KCNIP4: variants seen among roughly 807,000 people sequenced by gnomAD.
KCNIP4 encodes the protein Kv channel-interacting protein 4.
KCNIP4 carries 12 observed loss-of-function variants against 34.0 expected under a neutral mutation model. The ratio of observed to expected loss-of-function variants is 0.35; its 90% CI spans 0.23 to 0.57. The LOEUF (loss-of-function observed/expected upper bound fraction) is 0.57, where lower values mean the gene tolerates loss of function less well. Ranked by LOEUF, KCNIP4 falls within the 20% of genes least tolerant of loss-of-function variation. The probability of loss-of-function intolerance (pLI) is 0.83; values close to 1 mark genes in which losing one functional copy is unlikely to be tolerated. For synonymous variants in KCNIP4, 124 were observed against 102.2 expected (o/e 1.21, Z -1.29); for missense variants, 238 against 311.7 (o/e 0.76, Z 1.78).
intron 1 of KCNIP4, among the ~76,000 whole-genome samples, chr4:21,818,426 T>C (rs553190446): frequency 4.6e-5 from 7 of 152,340 alleles, no homozygotes; most frequent in African/African-American, 1.4e-4. Flanking sequence ...GTAGGTGCTG[T>C]GTTTGTGTTT....
intron 1 of KCNIP4, among the ~76,000 whole-genome samples, chr4:21,891,866 T>A (rs573601664): frequency 1.8e-4 from 27 of 152,184 alleles, no homozygotes; most frequent in Non-Finnish European, 2.8e-4. Context: ...CATGGTATAA[T>A]GTAGAGTAAA....
intron 1 of KCNIP4, among the ~76,000 whole-genome samples, chr4:21,707,166 C>T (rs2109070757): frequency 6.6e-6 from 1 of 152,262 alleles, no homozygotes; most frequent in East Asian, 1.9e-4. Context: ...TAGGTAATGT[C>T]TAAATGATGC....
intron 1 of KCNIP4, among the ~76,000 whole-genome samples, chr4:21,553,156 A>G (rs1738716326): frequency 6.6e-6 from 1 of 152,050 alleles, no homozygotes; most frequent in Non-Finnish European, 1.5e-5. Flanking sequence ...GGGGTCATAA[A>G]AGAGTTGGAA....
intron 1 of KCNIP4, among the ~76,000 whole-genome samples, chr4:21,092,175 C>G (rs890234749): frequency 1.3e-5 from 2 of 151,758 alleles, no homozygotes; most frequent in African/African-American, 4.8e-5. Flanking sequence ...TTTATATGTC[C>G]CAAGCATTCC....
intron 1 of KCNIP4, among the ~76,000 whole-genome samples, chr4:20,961,403 A>T (rs917092489): frequency 6.6e-6 from 1 of 152,160 alleles, no homozygotes; most frequent in Non-Finnish European, 1.5e-5. Context: ...AGTTTAAAAG[A>T]ATCTTATGGT....
chr4:21,354,785 G>T (rs1269576594), intron 1 of KCNIP4, among the ~76,000 whole-genome samples: 1 of 152,152 alleles, frequency 6.6e-6, no homozygotes, highest in East Asian at 1.9e-4. Context: ...ACTCAGCTCT[G>T]CACCAAGTGG....
rs72592653 is a variant in KCNIP4, at chr4:21,886,824, T to TTCC, written c.61+61746_61+61747insGGA. On this transcript the variant is annotated intron_variant, in intron 1 of 8. Coordinates refer to ENST00000382152, the MANE Select transcript of KCNIP4 (RefSeq NM_025221.6). ...TTTGGCTAAATTACAAAAGCTCTTCTTTTTATTTTTCATTTTTCTTCATTT... is the reference window on the plus strand; with the variant it reads ...TTTGGCTAAATTACAAAAGCTCTTCTTCCTTTTATTTTTCATTTTTCTTCATTT... Among the ~76,000 whole-genome samples the TTCC allele has an allele frequency of 1.4e-4, 21 of 151,920 alleles. No homozygotes were observed. The South Asian group carries it at 3.3e-3, about 24-fold the overall frequency.
intron 1 of KCNIP4, chr4:21,697,417 C>T: frequency 6.4e-7 from 1 of 1,564,846 alleles, no homozygotes; most frequent in Non-Finnish European, 8.6e-7. Flanking sequence ...CACGTTTACA[C>T]CGCTTTCTAC....
intron 1 of KCNIP4, among the ~76,000 whole-genome samples, chr4:21,473,259 A>G (rs559548540): frequency 6.6e-6 from 1 of 152,332 alleles, no homozygotes; most frequent in South Asian, 2.1e-4. Context: ...TCTGAAAAAT[A>G]CATAAAATAT....
intron 1 of KCNIP4, among the ~76,000 whole-genome samples, chr4:21,237,909 T>G (rs1394816637): frequency 3.3e-5 from 5 of 152,184 alleles, no homozygotes; most frequent in Admixed American, 1.3e-4. Flanking sequence ...TACCAAAGCC[T>G]GGCAGAGATA....
At chr4:21,243,634 C>G (rs543900089) in intron 1 of KCNIP4, among the ~76,000 whole-genome samples, 2 of 152,128 alleles carry the variant, frequency 1.3e-5, no homozygotes, top group Non-Finnish European at 2.9e-5. Context: ...TAGAAACTCT[C>G]AGCTGTAATT....
intron 1 of KCNIP4, among the ~76,000 whole-genome samples, chr4:21,654,828 G>C (rs1747794886): frequency 6.6e-6 from 1 of 152,120 alleles, no homozygotes; most frequent in Admixed American, 6.5e-5. Flanking sequence ...GGAGGCTGAG[G>C]CAGGAGAATG....
At chr4:21,678,582 G>T (rs1750100033) in intron 1 of KCNIP4, among the ~76,000 whole-genome samples, 3 of 152,006 alleles carry the variant, frequency 2.0e-5, no homozygotes. Flanking sequence ...TTTACTCCCT[G>T]GTTTTCCTCT....
chr4:21,350,969 A>T lies in KCNIP4; in HGVS notation c.62-468260T>A, dbSNP rs145524313. ...TGGAGAAGTTACTGAGAAATGGTAC[A>T]TCTGCATTATGCTTTATGGGTGATT... On this transcript the variant is annotated intron_variant, in intron 1 of 8. Transcript: ENST00000382152. Among the ~76,000 whole-genome samples, 1,115 of 152,314 alleles carry T rather than the reference A, an allele frequency of 7.3e-3. 10 individuals carry two copies. Among genetic ancestry groups the T allele is most frequent in the Non-Finnish European group, 0.012 (834 of 68,030 alleles).
intron 1 of KCNIP4, among the ~76,000 whole-genome samples, chr4:20,917,469 C>T (rs928056840): frequency 3.9e-5 from 6 of 152,112 alleles, no homozygotes; most frequent in Admixed American, 1.3e-4. Flanking sequence ...AATGGGATAG[C>T]GAGCAAGACC....
intron 1 of KCNIP4, among the ~76,000 whole-genome samples, chr4:21,113,482 G>GAAAAAAAAAAAAAAA (rs1164913472): frequency 9.1e-6 from 1 of 109,454 alleles, no homozygotes; most frequent in African/African-American, 3.7e-5. Flanking sequence ...AAAAAAAAAG[G>GAAAAAAAAAAAAAAA]AAAGCTATAC....
chr4:21,250,886 T>C (rs1355391371), intron 1 of KCNIP4, among the ~76,000 whole-genome samples: 1 of 150,280 alleles, frequency 6.7e-6, no homozygotes, highest in Non-Finnish European at 1.5e-5. Flanking sequence ...AATATAAATA[T>C]ATATTATACT....
chr4:21,076,133 G>A (rs770192511), intron 1 of KCNIP4, among the ~76,000 whole-genome samples: 12 of 151,978 alleles, frequency 7.9e-5, no homozygotes, highest in East Asian at 1.9e-4. Context: ...TGCTCTTCTC[G>A]AGGAGTATCT....
At chr4:21,855,213 G>A (rs959296800) in intron 1 of KCNIP4, among the ~76,000 whole-genome samples, 9 of 152,140 alleles carry the variant, frequency 5.9e-5, no homozygotes, top group African/African-American at 1.2e-4. Flanking sequence ...CTGTATCTCC[G>A]CTTTCCCATT....
Sources: allele counts gnomAD v4.1 joint callset (sites outside exome capture counted in the v4.1 genomes callset), GRCh38; gene constraint gnomAD v4.1.1; transcripts MANE v1.5; gene names NCBI Gene and HGNC (gene_info 2026-07-23, HGNC 2026-07-21).